The following PHRF1 variants were observed in gnomAD, a reference collection of about 807,000 sequenced individuals.
PHRF1 encodes the protein PHD and ring finger domains 1.
Under a neutral mutation model 128.9 loss-of-function variants are expected in PHRF1, and 53 were observed. The observed-to-expected ratio is 0.41, with a 90% CI of 0.33 to 0.52. The LOEUF (loss-of-function observed/expected upper bound fraction) is 0.52, where lower values mean the gene tolerates loss of function less well. Ranked by LOEUF, PHRF1 falls within the 20% of genes least tolerant of loss-of-function variation. The pLI, the probability that PHRF1 is intolerant of heterozygous loss-of-function variation, is 0.21. For synonymous variants in PHRF1, 1,178 were observed against 980.6 expected (o/e 1.20, Z -3.76); for missense variants, 2,503 against 2,284.5 (o/e 1.10, Z -1.95).
intron 5 of PHRF1, among the ~76,000 whole-genome samples, chr11:591,770 A>G (rs1247667673): frequency 1.3e-5 from 2 of 152,084 alleles, no homozygotes; most frequent in Admixed American, 6.6e-5. Context: ...TTTTTGAGAC[A>G]CCATCTTGCT....
intron 1 of PHRF1, among the ~76,000 whole-genome samples, chr11:578,910 C>G (rs181899851): frequency 6.6e-6 from 1 of 151,832 alleles, no homozygotes; most frequent in Non-Finnish European, 1.5e-5. Context: ...CATGTAGTGG[C>G]GCGATCTCAG....
chr11:612,138 GATAA>G lies in PHRF1; in HGVS notation c.*364_*367del, dbSNP rs758846818. 17 of 347,642 alleles carry G rather than the reference GATAA, an allele frequency of 4.9e-5. No individual in the cohort carries two copies. The highest frequency in any genetic ancestry group is 7.9e-5 in the Non-Finnish European group (15 of 189,982). The allele number at this position is 347,642 out of a possible 1,614,324, so 21.5% of individuals were successfully genotyped here. A position where few individuals can be genotyped will look rare whatever the true frequency, so the allele number is the denominator to read the frequency against. ...GCTCCTGGTGGGGTGGCGCGTCCTT[GATAA>G]ATCTCTAGGTGGCCTCCCGCCAACA... On this transcript the variant is annotated 3_prime_UTR_variant, in exon 18 of 18. Coordinates refer to ENST00000264555, the MANE Select transcript of PHRF1 (RefSeq NM_001286581.2).
intron 3 of PHRF1, among the ~76,000 whole-genome samples, chr11:584,327 A>G (rs1447334836): frequency 1.3e-5 from 2 of 152,218 alleles, no homozygotes; most frequent in Non-Finnish European, 2.9e-5. Context: ...CTGAGGGCAC[A>G]TTGGATGCCA....
Position 606,746 on chromosome 11 carries a change from C to T in PHRF1, c.1609+150C>T, listed in dbSNP as rs1315523036. On this transcript the variant is annotated intron_variant, in intron 13 of 17. Coordinates refer to ENST00000264555, the MANE Select transcript of PHRF1 (RefSeq NM_001286581.2). Reference sequence around the variant, plus strand: ...CCATTTTTCTGCATTGATTTCCCTTCTTGAGCAGTTTCTCAGTTAGCTCCG... The same window carrying T: ...CCATTTTTCTGCATTGATTTCCCTTTTTGAGCAGTTTCTCAGTTAGCTCCG... 6 of 1,214,578 alleles carry T rather than the reference C, an allele frequency of 4.9e-6. No individual in the cohort carries two copies. The East Asian group carries it at 1.0e-4, about 21-fold the overall frequency. 75.2% of individuals were successfully genotyped at this position (1,214,578 alleles called of 1,614,324 possible).
intron 8 of PHRF1, among the ~76,000 whole-genome samples, chr11:598,121 A>G (rs1190379448): frequency 6.6e-6 from 1 of 152,182 alleles, no homozygotes; most frequent in Non-Finnish European, 1.5e-5. Context: ...CACCCCCGCC[A>G]CAGTGACTGG....
chr11:605,568 G>A (rs1855891261), intron 11 of PHRF1, 37 bp from the exon 12 acceptor site: 1 of 1,604,970 alleles, frequency 6.2e-7, no homozygotes, highest in Non-Finnish European at 8.5e-7. Context: ...GGAGCTGGGA[G>A]TCACTTGTTC....
chr11:591,339 T>G, intron 4 of PHRF1, 45 bp from the exon 5 acceptor site: 1 of 1,521,876 alleles, frequency 6.6e-7, no homozygotes, highest in Non-Finnish European at 9.0e-7. Flanking sequence ...GATCTCTAAG[T>G]GAAAGTGATT....
Position 605,160 on chromosome 11 carries a change from C to G in PHRF1, c.1194C>G (p.Gly398=). 6.2e-7 allele frequency: 1 copy of G among 1,613,394 alleles called. No homozygotes were observed. Among genetic ancestry groups the G allele is most frequent in the Non-Finnish European group, 8.5e-7 (1 of 1,179,666 alleles). The change falls in exon 11 of 18, where the codon GGC becomes GGG. Residue 398 remains glycine (G), a synonymous_variant. Transcript: ENST00000264555. Reference sequence around the variant, plus strand: ...GCTCTCGAATCGCGCGGACGCTGGGCCTGCGCAGGCCTGTTCACAGCAGCT... The same window carrying G: ...GCTCTCGAATCGCGCGGACGCTGGGGCTGCGCAGGCCTGTTCACAGCAGCT... ...TTRSRIARTL[G]LRRPVHSSCI... is the part of the protein sequence containing the mutation.
chr11:606,640 G>C, intron 13 of PHRF1, 44 bp downstream of exon 13: 1 of 1,560,048 alleles, frequency 6.4e-7, no homozygotes, highest in South Asian at 1.2e-5. Context: ...GTGGGCTGCT[G>C]GTCCTCAGGC....
Position 592,585 on chromosome 11 carries a change from CGAG to C in PHRF1, c.543_545del (p.Glu181del), listed in dbSNP as rs753201346. The C allele has an allele frequency of 8.1e-6, 13 of 1,613,906 alleles. No homozygotes were observed. The highest frequency in any genetic ancestry group is 2.2e-5 in the East Asian group (1 of 44,872). Reference sequence around the variant, plus strand: ...TCCCAGTGGAGAACACCAAAGCGAGCGAGGAGGAGGAGGACCCGACCTTCTGTG... The same window carrying C: ...TCCCAGTGGAGAACACCAAAGCGAGCGAGGAGGAGGACCCGACCTTCTGTG... On this transcript the variant is annotated inframe_deletion, in exon 6 of 18. Coordinates refer to ENST00000264555, the MANE Select transcript of PHRF1 (RefSeq NM_001286581.2).
chr11:587,910 T>C (rs770342874), intron 4 of PHRF1, among the ~76,000 whole-genome samples: 1 of 152,194 alleles, frequency 6.6e-6, no homozygotes, highest in Non-Finnish European at 1.5e-5. Context: ...AACAGGTGAA[T>C]AGAGTTTACC....
At chr11:601,782 C>A in intron 10 of PHRF1, 81 bp downstream of exon 10, 1 of 1,569,192 alleles carries the variant, frequency 6.4e-7, no homozygotes, top group East Asian at 2.3e-5. Context: ...CTAAGCCTCC[C>A]GCTGGCCTTG....
intron 3 of PHRF1, among the ~76,000 whole-genome samples, chr11:584,841 G>A (rs1378888095): frequency 6.7e-6 from 1 of 149,256 alleles, no homozygotes; most frequent in Admixed American, 6.8e-5. Context: ...GGGTTCAAGC[G>A]ATTCTCCTGC....
chr11:584,395 C>A (rs73401019), intron 3 of PHRF1, among the ~76,000 whole-genome samples: 5,974 of 152,246 alleles, frequency 0.039, 405 homozygotes, highest in African/African-American at 0.14. Context: ...GGGCCCCCAC[C>A]GTGTCTGCGC....
chr11:584,233 A>G (rs1252382580), intron 3 of PHRF1, among the ~76,000 whole-genome samples: 1 of 152,116 alleles, frequency 6.6e-6, no homozygotes, highest in Admixed American at 6.5e-5. Flanking sequence ...GTTCATCTGT[A>G]GTAGGTCTCC....
chr11:598,348 G>A, intron 8 of PHRF1, 25 bp from the exon 9 acceptor site: 1 of 1,601,664 alleles, frequency 6.2e-7, no homozygotes, highest in Non-Finnish European at 8.5e-7. Flanking sequence ...AAGGGCATCT[G>A]ACGGCACCAC....
chr11:605,855 A>G, intron 12 of PHRF1, 131 bp downstream of exon 12: 2 of 1,386,302 alleles, frequency 1.4e-6, no homozygotes, highest in Non-Finnish European at 1.9e-6. Flanking sequence ...CTCAGCTGTC[A>G]TGCTCATCAG....
Position 605,634 on chromosome 11 carries a change from C to T in PHRF1, c.1364C>T (p.Ser455Phe). The T allele has an allele frequency of 4.3e-6, 7 of 1,613,804 alleles. No individual in the cohort carries two copies. Among genetic ancestry groups the T allele is most frequent in the Non-Finnish European group, 5.9e-6 (7 of 1,179,872 alleles). The change falls in exon 12 of 18, where the codon TCC becomes TTC. Residue 455 changes from serine to phenylalanine, a missense_variant. Transcript: ENST00000264555. ...GAAGAGCTTTCTGCAAACCCTCTTT[C>T]CCCTCTGAGTGCCAAGAGACGGGCT... Reference protein sequence around the residue: ...SSEELSANPLSPLSAKRRALS... With the variant: ...SSEELSANPLFPLSAKRRALS...
intron 14 of PHRF1, 121 bp downstream of exon 14, chr11:609,841 G>T (rs569451347): frequency 1.5e-6 from 1 of 671,414 alleles, no homozygotes; most frequent in East Asian, 2.8e-5. Flanking sequence ...AGAGCCCCCC[G>T]TGAGTAGGGC....
Sources: gnomAD v4.1 joint callset for allele counts (sites outside exome capture counted in the v4.1 genomes callset) on GRCh38, gnomAD v4.1.1 for gene constraint, MANE v1.5 for transcripts, NCBI Gene and HGNC (gene_info 2026-07-23, HGNC 2026-07-21) for gene names.